INTU: variants seen among roughly 807,000 people sequenced by gnomAD.
INTU encodes the protein inturned planar cell polarity protein, also known as protein inturned.
A neutral mutation model predicts 100.5 loss-of-function variants in INTU; 68 were observed. The observed-to-expected ratio is 0.68, with a 90% confidence interval of 0.56 to 0.83. INTU has a LOEUF of 0.83. INTU is among the 40% of genes least tolerant of loss of function. INTU has a pLI of 0.00. For missense variants in INTU, 1,071 were observed against 1,114.7 expected (o/e 0.96, Z 0.56); for synonymous variants, 357 against 395.7 (o/e 0.90, Z 1.16).
chr4:127,681,843 C>T (rs1244495508), intron 6 of INTU, among the ~76,000 whole-genome samples: 1 of 152,002 alleles, frequency 6.6e-6, no homozygotes, highest in Non-Finnish European at 1.5e-5. Flanking sequence ...AAAATTTTTG[C>T]AACCTACTCA....
intron 8 of INTU, among the ~76,000 whole-genome samples, chr4:127,693,446 C>A (rs1211356403): frequency 6.6e-6 from 1 of 152,078 alleles, no homozygotes; most frequent in African/African-American, 2.4e-5. Flanking sequence ...TTGCTGAATT[C>A]ATTTAGCAGA....
At chr4:127,665,765 C>T (rs933466801) in intron 4 of INTU, among the ~76,000 whole-genome samples, 3 of 152,118 alleles carry the variant, frequency 2.0e-5, no homozygotes, top group Non-Finnish European at 2.9e-5. Context: ...GGCAGTATCA[C>T]ATGGGACATT....
intron 8 of INTU, among the ~76,000 whole-genome samples, chr4:127,694,997 C>T (rs939588011): frequency 2.6e-5 from 4 of 152,126 alleles, no homozygotes; most frequent in African/African-American, 7.2e-5. Flanking sequence ...TGGTCTTTTG[C>T]TTCTCCATAT....
intron 8 of INTU, among the ~76,000 whole-genome samples, chr4:127,699,045 A>G (rs143868086): frequency 0.017 from 2,586 of 152,270 alleles, 40 homozygotes; most frequent in Non-Finnish European, 0.024. Flanking sequence ...AGTGTGTGAA[A>G]CAGTCCTGCA....
At position 127,710,988 on chromosome 4, in the gene INTU, T is replaced by C; in HGVS notation, c.2445T>C (p.Pro815=). 1.2e-6 allele frequency: 2 copies of C among 1,605,830 alleles called. No individual in the cohort carries two copies. The highest frequency in any genetic ancestry group is 1.7e-6 in the Non-Finnish European group (2 of 1,174,436). The part of the protein sequence containing the change: ...LETVQGIFIT[P]TLEEVAQLSG... ...CAGTGCAAGGAATCTTTATTACTCC[T>C]ACCCTTGAAGAGGTGGCACAGCTAA... is the stretch of plus-strand genomic sequence containing the variant. The change falls in exon 14 of 16, where the codon CCT becomes CCC. Residue 815 remains proline, a synonymous_variant. Transcript: ENST00000335251.
At chr4:127,677,951 A>G (rs1386750280) in intron 6 of INTU, among the ~76,000 whole-genome samples, 1 of 152,254 alleles carries the variant, frequency 6.6e-6, no homozygotes, top group Admixed American at 6.5e-5. Flanking sequence ...CTACGTGAAG[A>G]ATGCAGAAGC....
intron 3 of INTU, among the ~76,000 whole-genome samples, chr4:127,657,074 A>G (rs1189968362): frequency 1.3e-5 from 2 of 152,102 alleles, no homozygotes; most frequent in Non-Finnish European, 2.9e-5. Context: ...CTGTTCTCTG[A>G]CTTACTAAGA....
Position 127,714,028 on chromosome 4 carries a change from A to G in INTU, c.2652A>G (p.Glu884=). 5.6e-6 allele frequency: 9 copies of G among 1,613,786 alleles called. No individual in the cohort carries two copies. The highest frequency in any genetic ancestry group is 7.6e-6 in the Non-Finnish European group (9 of 1,179,832). ...NPVKEHGVLF[E]CSPGNWTDQK... ...TTAAAGAACATGGTGTGTTGTTTGA[A>G]TGTTCACCTGGAAACTGGACTGATC... Residue 884 remains glutamate, a synonymous_variant, in exon 15 of 16, where the codon GAA becomes GAG. Coordinates refer to ENST00000335251, the MANE Select transcript of INTU (RefSeq NM_015693.4).
chr4:127,635,628 G>A (rs570026974), intron 1 of INTU, among the ~76,000 whole-genome samples: 1 of 152,300 alleles, frequency 6.6e-6, no homozygotes, highest in South Asian at 2.1e-4. Context: ...AGGGAGGTAT[G>A]TCCTTTAAAT....
intron 2 of INTU, among the ~76,000 whole-genome samples, chr4:127,652,715 T>A (rs1223198970): frequency 1.8e-4 from 23 of 126,272 alleles, no homozygotes; most frequent in African/African-American, 6.8e-4. Context: ...GGCTTTGGTA[T>A]CAGAATGATG....
At chr4:127,714,235 A>T in intron 15 of INTU, 142 bp downstream of exon 15, 1 of 543,440 alleles carries the variant, frequency 1.8e-6, no homozygotes, top group Non-Finnish European at 3.1e-6. Flanking sequence ...TTATTTGCTA[A>T]GTATCTCCTT....
At chr4:127,705,854 T>A in intron 11 of INTU, 42 bp downstream of exon 11, 1 of 1,531,720 alleles carries the variant, frequency 6.5e-7, no homozygotes, top group Non-Finnish European at 9.0e-7. Context: ...TTTCTTCTTT[T>A]CTTTTATTTT....
intron 3 of INTU, among the ~76,000 whole-genome samples, chr4:127,659,198 G>T (rs1043607788): frequency 6.6e-6 from 1 of 152,158 alleles, no homozygotes; most frequent in Non-Finnish European, 1.5e-5. Flanking sequence ...AATGGTTCTG[G>T]TACCTGTCCA....
At chr4:127,678,404 C>T (rs954345826) in intron 6 of INTU, among the ~76,000 whole-genome samples, 1 of 152,138 alleles carries the variant, frequency 6.6e-6, no homozygotes, top group African/African-American at 2.4e-5. Flanking sequence ...GTGGATCTCT[C>T]GGCAGAAACC....
In INTU at chr4:127,650,494, A is replaced by G. The variant is rs1400134894; in HGVS notation, c.683-6142A>G. Among the ~76,000 whole-genome samples, 4 of 151,510 alleles carry G rather than the reference A, an allele frequency of 2.6e-5. No homozygotes were observed. In the East Asian group the frequency reaches 7.8e-4, roughly 30 times the overall value. On this transcript the variant is annotated intron_variant, in intron 2 of 15. Transcript: ENST00000335251. ...CAGTGTTTGGTTTTTTGTTCTTGCG[A>G]TAGTTTACTGAGAATGATTTCCAAT...
Position 127,663,567 on chromosome 4 carries a change from G to GTGAGTCCATTTAT in INTU, c.955_956insTGAGTCCATTTAT (p.Glu319ValfsTer21), listed in dbSNP as rs761847908. Reference sequence around the variant, plus strand: ...GTATCTCACACTACAGCTCGACTCAGAAACCTCAAAGGAAGAGGTGAGTGT... The same window carrying GTGAGTCCATTTAT: ...GTATCTCACACTACAGCTCGACTCAGTGAGTCCATTTATAAACCTCAAAGGAAGAGGTGAGTGT... On this transcript the variant is annotated frameshift_variant, in exon 4 of 16. Coordinates refer to ENST00000335251, the MANE Select transcript of INTU (RefSeq NM_015693.4). LOFTEE classifies it high-confidence loss of function. The GTGAGTCCATTTAT allele has an allele frequency of 2.0e-5, 33 of 1,613,078 alleles. No homozygotes were observed. In the African/African-American group the frequency reaches 4.0e-4, roughly 20 times the overall value.
Position 127,687,732 on chromosome 4 carries a change from C to A in INTU, c.1314C>A (p.Phe438Leu). The A allele has an allele frequency of 6.2e-7, 1 of 1,613,008 alleles. No homozygotes were observed. Among genetic ancestry groups the A allele is most frequent in the Middle Eastern group, 1.7e-4 (1 of 6,054 alleles). ...VPRLDHFFNLFFQRALQPAKL... is the reference protein window; with the variant it reads ...VPRLDHFFNLLFQRALQPAKL... ...GTTTGGATCATTTTTTTAACTTGTT[C>A]TTTCAAAGAGCACTTCAGCCTGCGA... is the stretch of plus-strand genomic sequence containing the variant. The change falls in exon 8 of 16, where the codon TTC becomes TTA. Residue 438 changes from phenylalanine (F) to leucine (L), a missense_variant. By Grantham distance (22) the Phe-to-Leu change is conservative (BLOSUM62 0). Coordinates refer to ENST00000335251, the MANE Select transcript of INTU (RefSeq NM_015693.4).
In INTU at chr4:127,636,560, C is replaced by T. The variant is rs143425456; in HGVS notation, c.146+3380C>T. Among the ~76,000 whole-genome samples, 109 of 148,606 alleles carry T rather than the reference C, an allele frequency of 7.3e-4. 1 individual carries two copies. The highest frequency in any genetic ancestry group is 2.4e-3 in the African/African-American group (95 of 40,034). ...ACAGAAGGCGGAGGTTGCAGTGAGC[C>T]GAGATCGCACCATTGCATTGCAGCC... On this transcript the variant is annotated intron_variant, in intron 1 of 15. Coordinates refer to ENST00000335251, the MANE Select transcript of INTU (RefSeq NM_015693.4).
At chr4:127,655,477 C>T (rs565120071) in intron 2 of INTU, among the ~76,000 whole-genome samples, 3 of 150,892 alleles carry the variant, frequency 2.0e-5, no homozygotes, top group Non-Finnish European at 4.4e-5. Flanking sequence ...TTGGAATACC[C>T]TGCCGTGTGA....
Sources: gnomAD v4.1 joint callset for allele counts (sites outside exome capture counted in the v4.1 genomes callset) on GRCh38, gnomAD v4.1.1 for gene constraint, MANE v1.5 for transcripts, NCBI Gene and HGNC (gene_info 2026-07-23, HGNC 2026-07-21) for gene names.